The following RUNDC3B variants were observed in gnomAD, a reference collection of about 807,000 sequenced individuals.
RUNDC3B encodes the protein RUN domain containing 3B, also known as RUN domain-containing protein 3B.
Under a neutral mutation model 58.4 loss-of-function variants are expected in RUNDC3B, and 33 were observed. The ratio of observed to expected loss-of-function variants is 0.56; its 90% CI spans 0.43 to 0.75. RUNDC3B has a LOEUF of 0.75. Among genes scored for constraint, RUNDC3B ranks in the 30% least tolerant of loss-of-function variants. The probability of loss-of-function intolerance (pLI) is 0.00; values close to 1 mark genes in which losing one functional copy is unlikely to be tolerated. For synonymous variants in RUNDC3B, 193 were observed against 195.2 expected (o/e 0.99, Z 0.10); for missense variants, 501 against 535.7 (o/e 0.94, Z 0.64).
At chr7:87,771,838 G>T (rs545859773) in intron 7 of RUNDC3B, among the ~76,000 whole-genome samples, 6 of 152,300 alleles carry the variant, frequency 3.9e-5, no homozygotes, top group Admixed American at 3.9e-4. Context: ...TGTAGAGAAA[G>T]CTTGATTACA....
At chr7:87,652,646 A>ATATATATATATATATATATG in intron 2 of RUNDC3B, among the ~76,000 whole-genome samples, 1 of 147,220 alleles carries the variant, frequency 6.8e-6, no homozygotes, top group Admixed American at 6.8e-5. Flanking sequence ...ATATATATAT[A>ATATATATATATATATATATG]GTAGGAAGTA....
chr7:87,791,622 TG>T (rs1835526351), intron 8 of RUNDC3B, among the ~76,000 whole-genome samples: 1 of 150,058 alleles, frequency 6.7e-6, no homozygotes, highest in Non-Finnish European at 1.5e-5. Flanking sequence ...TGTGTGTGTG[TG>T]TTTATGTAAT....
At chr7:87,647,949 C>A (rs1321580999) in intron 1 of RUNDC3B, among the ~76,000 whole-genome samples, 3 of 151,936 alleles carry the variant, frequency 2.0e-5, no homozygotes, top group African/African-American at 7.3e-5. Context: ...CTTTGGGAGG[C>A]CAAGGCAGGT....
chr7:87,674,352 C>G (rs1411117635), intron 2 of RUNDC3B, among the ~76,000 whole-genome samples: 1 of 151,980 alleles, frequency 6.6e-6, no homozygotes, highest in Non-Finnish European at 1.5e-5. Flanking sequence ...ATGGCAGGAG[C>G]AGGGTGCTGG....
intron 10 of RUNDC3B, among the ~76,000 whole-genome samples, chr7:87,827,670 A>G (rs1181684448): frequency 6.6e-6 from 1 of 152,192 alleles, no homozygotes; most frequent in African/African-American, 2.4e-5. Flanking sequence ...AAGGAAACAG[A>G]AATCCAGTGA....
intron 1 of RUNDC3B, chr7:87,629,269 T>C (rs1479392048): frequency 7.7e-6 from 2 of 258,978 alleles, no homozygotes; most frequent in Non-Finnish European, 1.5e-5. Flanking sequence ...GCTCTTTCAT[T>C]TAATGCCCAT....
intron 8 of RUNDC3B, 94 bp downstream of exon 8, chr7:87,778,049 T>A (rs1834736440): frequency 9.9e-7 from 1 of 1,013,442 alleles, no homozygotes; most frequent in Non-Finnish European, 1.4e-6. Context: ...CAAGAAATCT[T>A]ATTGCCTGTT....
At chr7:87,688,921 AATTTTCAAGGAATC>A (rs968434149) in intron 2 of RUNDC3B, among the ~76,000 whole-genome samples, 8 of 152,008 alleles carry the variant, frequency 5.3e-5, no homozygotes, top group African/African-American at 1.7e-4. Context: ...ACCAAACTAG[AATTTTCAAGGAATC>A]ATTTTCATTC....
chr7:87,805,646 T>G (rs1024341291), intron 8 of RUNDC3B, among the ~76,000 whole-genome samples: 2 of 152,192 alleles, frequency 1.3e-5, no homozygotes, highest in Non-Finnish European at 2.9e-5. Context: ...AACTTTTCAC[T>G]TTCCAGAAAG....
At chr7:87,637,854 C>T (rs1231101706) in intron 1 of RUNDC3B, among the ~76,000 whole-genome samples, 2 of 151,770 alleles carry the variant, frequency 1.3e-5, no homozygotes, top group African/African-American at 4.8e-5. Flanking sequence ...ATGTCATTTG[C>T]TTATTTTATT....
intron 4 of RUNDC3B, among the ~76,000 whole-genome samples, chr7:87,736,871 ATATATATATATATATATATTTTT>A (rs1309328907): frequency 2.8e-3 from 108 of 37,904 alleles, no homozygotes; most frequent in African/African-American, 7.2e-3. Context: ...ATATATATAT[ATATATATATATATATATATTTTT>A]TTTTTTTTTT....
intron 3 of RUNDC3B, among the ~76,000 whole-genome samples, chr7:87,705,452 A>G (rs1189673399): frequency 6.6e-6 from 1 of 151,996 alleles, no homozygotes; most frequent in Non-Finnish European, 1.5e-5. Flanking sequence ...AACAACAACA[A>G]AAAAAAACAA....
intron 1 of RUNDC3B, among the ~76,000 whole-genome samples, chr7:87,633,792 G>A (rs1421345821): frequency 6.6e-6 from 1 of 152,104 alleles, no homozygotes; most frequent in African/African-American, 2.4e-5. Flanking sequence ...CTTGAACTTG[G>A]TGGGAGAAAT....
chr7:87,689,721 ATGT>A (rs913259590), intron 2 of RUNDC3B, among the ~76,000 whole-genome samples: 1 of 152,014 alleles, frequency 6.6e-6, no homozygotes, highest in Non-Finnish European at 1.5e-5. Context: ...CATCTTTCTG[ATGT>A]TCTAATTTCA....
chr7:87,766,218 G>A (rs1193640502), intron 6 of RUNDC3B, among the ~76,000 whole-genome samples: 2 of 152,074 alleles, frequency 1.3e-5, no homozygotes, highest in South Asian at 2.1e-4. Flanking sequence ...AGATGGTTGG[G>A]TCTTGTTTTT....
intron 2 of RUNDC3B, among the ~76,000 whole-genome samples, chr7:87,672,084 C>T (rs1255887640): frequency 6.6e-6 from 1 of 152,110 alleles, no homozygotes; most frequent in Non-Finnish European, 1.5e-5. Flanking sequence ...ATGGGAATGA[C>T]TGAGTCACCC....
chr7:87,698,351 C>T (rs984456394), intron 2 of RUNDC3B, among the ~76,000 whole-genome samples: 1 of 152,168 alleles, frequency 6.6e-6, no homozygotes, highest in Non-Finnish European at 1.5e-5. Context: ...ACCTCGGCCT[C>T]CCAAAGTGCT....
rs1584314923 is a variant in RUNDC3B at position 87,831,155 on chromosome 7, C to T, written c.*1125C>T. Reference sequence around the variant, plus strand: ...AACAGCTACATTAATCCCTAAAAATCCCACCATACTGAAAATGTATGGCGT... The same window carrying T: ...AACAGCTACATTAATCCCTAAAAATTCCACCATACTGAAAATGTATGGCGT... On this transcript the variant is annotated 3_prime_UTR_variant, in exon 11 of 11. Transcript: ENST00000394654. The T allele has an allele frequency of 6.7e-6, 1 of 150,184 alleles. No individual in the cohort carries two copies. The highest frequency in any genetic ancestry group is 1.9e-4 in the East Asian group (1 of 5,134). The allele number at this position is 150,184 out of a possible 1,614,324, so 9.3% of individuals were successfully genotyped here. A position where few individuals can be genotyped will look rare whatever the true frequency, so the allele number is the denominator to read the frequency against.
chr7:87,790,636 G>T (rs1306941137), intron 8 of RUNDC3B, among the ~76,000 whole-genome samples: 1 of 151,990 alleles, frequency 6.6e-6, no homozygotes, highest in Non-Finnish European at 1.5e-5. Flanking sequence ...TTAACAAAGA[G>T]ATTGAAATAA....
Sources: allele counts gnomAD v4.1 joint callset (sites outside exome capture counted in the v4.1 genomes callset), GRCh38; gene constraint gnomAD v4.1.1; transcripts MANE v1.5; gene names NCBI Gene and HGNC (gene_info 2026-07-23, HGNC 2026-07-21).